DNAH8: variants seen among roughly 807,000 people sequenced by gnomAD.
The protein encoded by DNAH8 is axonemal beta dynein heavy chain 8.
DNAH8 carries 382 observed loss-of-function variants against 562.1 expected under a neutral mutation model. The observed-to-expected ratio is 0.68, with a 90% CI of 0.63 to 0.74. The LOEUF is 0.74. Ranked by LOEUF, DNAH8 falls within the 30% of genes least tolerant of loss-of-function variation. The pLI is 0.00. For missense variants in DNAH8, 5,203 were observed against 5,620.4 expected, an observed-to-expected ratio of 0.93 and a Z score of 2.37; for synonymous variants, 1,881 against 1,919.4, an observed-to-expected ratio of 0.98 and a Z score of 0.52.
chr6:38,783,833 G>A (rs1768884463), intron 17 of DNAH8, among the ~76,000 whole-genome samples: 1 of 152,130 alleles, frequency 6.6e-6, no homozygotes, highest in Admixed American at 6.5e-5. Flanking sequence ...TCTTATACGT[G>A]ACCTTGGTGG....
Position 38,790,747 on chromosome 6 carries a change from A to T in DNAH8, c.2781+342A>T, listed in dbSNP as rs1630487. ...CTGAGGCAAGAGAATCGTTTGAACC[A>T]GGGAAGCGGAGGTTGCAGTGAGCCG... On this transcript the variant is annotated intron_variant, in intron 20 of 92. Coordinates refer to ENST00000327475, the MANE Select transcript of DNAH8 (RefSeq NM_001206927.2). Among the ~76,000 whole-genome samples, 594 of 151,584 alleles carry T rather than the reference A, an allele frequency of 3.9e-3. 9 individuals carry two copies. The highest frequency in any genetic ancestry group is 0.014 in the African/African-American group (571 of 41,286).
intron 17 of DNAH8, 151 bp downstream of exon 17, chr6:38,783,290 C>T: frequency 1.7e-6 from 1 of 581,062 alleles, no homozygotes; most frequent in Non-Finnish European, 2.8e-6. Context: ...TATTTGTTTA[C>T]AGTTGTTAAT....
intron 85 of DNAH8, among the ~76,000 whole-genome samples, chr6:38,978,353 C>G (rs1243119014): frequency 6.6e-6 from 1 of 152,134 alleles, no homozygotes; most frequent in Non-Finnish European, 1.5e-5. Context: ...TTTGCTTCCC[C>G]TACATTTCGT....
chr6:38,924,069 G>A lies in DNAH8; in HGVS notation c.10869G>A (p.Leu3623=). ...GPFNQIFRNY[L]LKDQWEMELR... ...TCAATCAGATATTTAGGAACTATTTGCTTAAAGATCAATGGGAAATGGAGT... is the reference window on the plus strand; with the variant it reads ...TCAATCAGATATTTAGGAACTATTTACTTAAAGATCAATGGGAAATGGAGT... The change falls in exon 73 of 93, where the codon TTG becomes TTA. Residue 3623 remains leucine, a synonymous_variant. Transcript: ENST00000327475. The A allele has an allele frequency of 6.2e-7, 1 of 1,613,984 alleles. No homozygotes were observed. The highest frequency in any genetic ancestry group is 8.5e-7 in the Non-Finnish European group (1 of 1,179,910).
chr6:38,721,518 A>AGG (rs1202423229), intron 1 of DNAH8, among the ~76,000 whole-genome samples: 5 of 150,036 alleles, frequency 3.3e-5, no homozygotes, highest in African/African-American at 4.9e-5. Context: ...AGAGAAAGAG[A>AGG]GAGAGAGAGA....
intron 82 of DNAH8, among the ~76,000 whole-genome samples, chr6:38,953,835 C>G (rs984310276): frequency 3.6e-4 from 55 of 151,196 alleles, no homozygotes; most frequent in African/African-American, 1.1e-3. Flanking sequence ...ATCTTGAAAT[C>G]CAATTACTTT....
At chr6:38,759,342 C>CAAAG (rs1229694815) in intron 10 of DNAH8, among the ~76,000 whole-genome samples, 25 of 151,446 alleles carry the variant, frequency 1.7e-4, no homozygotes, top group African/African-American at 5.1e-4. Context: ...AACAAACAAA[C>CAAAG]CACCACCAAC....
At chr6:38,874,787 C>T (rs1288991039) in intron 52 of DNAH8, among the ~76,000 whole-genome samples, 1 of 152,176 alleles carries the variant, frequency 6.6e-6, no homozygotes, top group African/African-American at 2.4e-5. Flanking sequence ...CTTACACATT[C>T]TAGAGCTTCA....
chr6:38,762,305 C>T (rs1451422698), intron 11 of DNAH8, among the ~76,000 whole-genome samples: 1 of 152,106 alleles, frequency 6.6e-6, no homozygotes, highest in African/African-American at 2.4e-5. Context: ...GGAAAATTTT[C>T]TTCTGCATAT....
chr6:38,929,558 C>G lies in DNAH8; in HGVS notation c.11166C>G (p.Ser3722Arg), dbSNP rs779022579. ...HKYFRTHLEDSLSLGRPLLIE... is the reference protein window; with the variant it reads ...HKYFRTHLEDRLSLGRPLLIE... Reference sequence around the variant, plus strand: ...ATTTTCGCACACACTTGGAGGACAGCCTTTCCTTGGGCCGACCCCTTCTCA... The same window carrying G: ...ATTTTCGCACACACTTGGAGGACAGGCTTTCCTTGGGCCGACCCCTTCTCA... The change falls in exon 75 of 93, where the codon AGC becomes AGG. Residue 3722 changes from serine to arginine, a missense_variant. By Grantham distance (110) the Ser-to-Arg change is moderately radical (BLOSUM62 -1). Transcript: ENST00000327475. 6.2e-7 allele frequency: 1 copy of G among 1,612,876 alleles called. No individual in the cohort carries two copies.
chr6:39,026,949 G>A lies in DNAH8; in HGVS notation c.13836+282G>A, dbSNP rs144623264. On this transcript the variant is annotated intron_variant, in intron 92 of 92. Coordinates refer to ENST00000327475, the MANE Select transcript of DNAH8 (RefSeq NM_001206927.2). ...CTAAAAAGGCTTTTTGGCCAAGTGC[G>A]GTGGCTCATGCCTATAATCCTAGCA... Among the ~76,000 whole-genome samples the A allele has an allele frequency of 4.4e-3, 668 of 152,292 alleles. 2 individuals carry two copies. Among genetic ancestry groups the A allele is most frequent in the South Asian group, 7.5e-3 (36 of 4,812 alleles).
chr6:38,950,006 AAAC>A (rs1761751445), intron 81 of DNAH8, among the ~76,000 whole-genome samples: 2 of 152,342 alleles, frequency 1.3e-5, no homozygotes, highest in East Asian at 3.9e-4. Context: ...TTCGAGAAAA[AAAC>A]CCAATAATAT....
chr6:38,810,252 T>C (rs763230274), intron 24 of DNAH8, among the ~76,000 whole-genome samples: 2 of 152,230 alleles, frequency 1.3e-5, no homozygotes, highest in Admixed American at 6.5e-5. Flanking sequence ...TTCAGTTCTT[T>C]AAGTGATTAC....
At chr6:38,855,633 T>C (rs993858696) in intron 41 of DNAH8, among the ~76,000 whole-genome samples, 36 of 152,208 alleles carry the variant, frequency 2.4e-4, no homozygotes, top group African/African-American at 8.7e-4. Flanking sequence ...CATCATTTCT[T>C]TGTGTTGGGA....
intron 92 of DNAH8, among the ~76,000 whole-genome samples, chr6:39,028,353 G>A (rs575949339): frequency 2.0e-5 from 3 of 152,310 alleles, no homozygotes; most frequent in South Asian, 4.1e-4. Context: ...ATCAGGGTAG[G>A]GTTGGTTTCT....
At chr6:38,927,293 CATCCT>C (rs2150569002) in intron 74 of DNAH8, among the ~76,000 whole-genome samples, 1 of 152,326 alleles carries the variant, frequency 6.6e-6, no homozygotes, top group East Asian at 1.9e-4. Context: ...CCATAACAAA[CATCCT>C]ATTTAGTGGT....
chr6:38,977,405 TG>T, intron 85 of DNAH8, among the ~76,000 whole-genome samples: 1 of 152,312 alleles, frequency 6.6e-6, no homozygotes, highest in African/African-American at 2.4e-5. Flanking sequence ...GTGATGTCTC[TG>T]CTTTTGCCAG....
At position 38,918,093 on chromosome 6, in the gene DNAH8, G is replaced by T. The variant is rs149851945; in HGVS notation, c.10477G>T (p.Ala3493Ser). 3.7e-6 allele frequency: 6 copies of T among 1,613,630 alleles called. No individual in the cohort carries two copies. The African/African-American group carries it at 8.0e-5, about 22-fold the overall frequency. The change falls in exon 70 of 93, where the codon GCT (alanine) becomes TCT (serine). Residue 3493 changes from alanine to serine, a missense_variant. Coordinates refer to ENST00000327475, the MANE Select transcript of DNAH8 (RefSeq NM_001206927.2). ...NVAGLLSWTL[A>S]MAIFYGINRE... is the part of the protein sequence containing the mutation. The stretch of plus-strand genomic sequence containing the variant: ...GGCTGGTCTCCTGTCTTGGACACTT[G>T]CTATGGCAATATTTTATGGCATCAA...
Position 38,850,288 on chromosome 6 carries a change from T to C in DNAH8, c.5237T>C (p.Ile1746Thr). 1 of 1,613,580 alleles carries C rather than the reference T, an allele frequency of 6.2e-7. No homozygotes were observed. The highest frequency in any genetic ancestry group is 1.3e-5 in the African/African-American group (1 of 75,012). The change falls in exon 38 of 93, where the codon ATA becomes ACA. Residue 1746 changes from isoleucine (I) to threonine (T), a missense_variant. Around this residue, in one of 6 missense-constraint regions of DNAH8, gnomAD observed 2,176 missense variants for 2,365.1 expected, o/e 0.92. Transcript: ENST00000327475. Reference sequence around the variant, plus strand: ...TTTCAGAATATTGACAAGTCTTGGATAAAAATAATGCAGCGAGCTCATGAG... The same window carrying C: ...TTTCAGAATATTGACAAGTCTTGGACAAAAATAATGCAGCGAGCTCATGAG... ...KRFQNIDKSWIKIMQRAHENP... is the reference protein window; with the variant it reads ...KRFQNIDKSWTKIMQRAHENP...
Sources: gnomAD v4.1 joint callset for allele counts (sites outside exome capture counted in the v4.1 genomes callset) on GRCh38, gnomAD v4.1.1 for gene constraint, gnomAD v4.1.1 regional missense constraint, MANE v1.5 for transcripts, NCBI Gene and HGNC (gene_info 2026-07-23, HGNC 2026-07-21) for gene names.